The following SOX5 variants were observed in gnomAD, a reference collection of about 807,000 sequenced individuals.
SOX5 encodes transcription factor SOX-5.
In SOX5, 9 loss-of-function variants were observed where a neutral mutation model predicts 92.0. That is an observed-to-expected ratio of 0.10 (90% CI 0.06 to 0.17). SOX5 has a LOEUF of 0.17. Among genes scored for constraint, SOX5 ranks in the 10% least tolerant of loss-of-function variants. The pLI, the probability that SOX5 is intolerant of heterozygous loss-of-function variation, is 1.00. For synonymous variants in SOX5, 344 were observed against 336.3 expected, an observed-to-expected ratio of 1.02 and a Z score of -0.25; for missense variants, 642 against 944.5, an observed-to-expected ratio of 0.68 and a Z score of 4.20.
chr12:23,988,341 CA>C (rs1256180153), intron 4 of SOX5, among the ~76,000 whole-genome samples: 1 of 152,096 alleles, frequency 6.6e-6, no homozygotes, highest in Non-Finnish European at 1.5e-5. Flanking sequence ...AAGGAGATCC[CA>C]ACCTTTAGAG....
At chr12:24,375,456 C>T (rs942636041) in intron 1 of SOX5, among the ~76,000 whole-genome samples, 4 of 151,302 alleles carry the variant, frequency 2.6e-5, no homozygotes, top group Non-Finnish European at 5.9e-5. Context: ...AGAATAAGGC[C>T]GGGTGCGGTG....
At chr12:24,385,856 C>T (rs964796069) in intron 1 of SOX5, among the ~76,000 whole-genome samples, 9 of 135,102 alleles carry the variant, frequency 6.7e-5, no homozygotes, top group Admixed American at 1.7e-4. Context: ...CAATTGAGCC[C>T]GGGAGGTAGA....
intron 1 of SOX5, among the ~76,000 whole-genome samples, chr12:23,946,478 C>T (rs1944608227): frequency 1.3e-5 from 2 of 151,924 alleles, no homozygotes; most frequent in African/African-American, 2.4e-5. Context: ...GACATTTTTA[C>T]TTATCATGAA....
At chr12:23,981,254 T>C (rs1416493082) in intron 4 of SOX5, among the ~76,000 whole-genome samples, 3 of 152,186 alleles carry the variant, frequency 2.0e-5, no homozygotes, top group Non-Finnish European at 4.4e-5. Flanking sequence ...TTAGGGATTT[T>C]ATTAACACCT....
chr12:24,111,692 G>A (rs774835499), intron 4 of SOX5, among the ~76,000 whole-genome samples: 78 of 151,602 alleles, frequency 5.1e-4, no homozygotes, highest in African/African-American at 1.7e-3. Context: ...AAGATTTTTC[G>A]TCAAATTATC....
At chr12:24,548,124 A>G (rs890638972) in intron 1 of SOX5, among the ~76,000 whole-genome samples, 1 of 152,220 alleles carries the variant, frequency 6.6e-6, no homozygotes, top group Non-Finnish European at 1.5e-5. Context: ...TCTGCAGATG[A>G]GGAATCAGAC....
intron 1 of SOX5, among the ~76,000 whole-genome samples, chr12:23,918,174 T>A (rs2097437693): frequency 6.6e-6 from 1 of 152,230 alleles, no homozygotes; most frequent in Admixed American, 6.5e-5. Context: ...ATTATATGCA[T>A]GTTTTATGCC....
intron 9 of SOX5, among the ~76,000 whole-genome samples, chr12:23,588,669 C>T (rs1388552651): frequency 1.3e-5 from 2 of 151,670 alleles, no homozygotes; most frequent in African/African-American, 4.8e-5. Flanking sequence ...TGGTCCATCA[C>T]ATTGCCAGAT....
chr12:23,886,976 A>G (rs2097074881), intron 2 of SOX5, among the ~76,000 whole-genome samples: 1 of 152,198 alleles, frequency 6.6e-6, no homozygotes, highest in African/African-American at 2.4e-5. Flanking sequence ...TGAAAATAAA[A>G]CTATCATTTA....
chr12:24,058,030 C>T (rs560193820), intron 4 of SOX5, among the ~76,000 whole-genome samples: 2 of 152,364 alleles, frequency 1.3e-5, no homozygotes, highest in South Asian at 2.1e-4. Context: ...CATATTATGA[C>T]TGCCATCCTT....
At chr12:23,708,909 T>G (rs997748356) in intron 6 of SOX5, among the ~76,000 whole-genome samples, 5 of 152,038 alleles carry the variant, frequency 3.3e-5, no homozygotes, top group Non-Finnish European at 5.9e-5. Context: ...AGCGACTGAA[T>G]GTTAATACAA....
At chr12:23,705,041 A>G (rs2091214263) in intron 6 of SOX5, among the ~76,000 whole-genome samples, 1 of 151,960 alleles carries the variant, frequency 6.6e-6, no homozygotes, top group Non-Finnish European at 1.5e-5. Context: ...AACTTTTCAA[A>G]TATGAGGCAG....
chr12:23,747,674 CCAGA>C, intron 4 of SOX5, among the ~76,000 whole-genome samples: 1 of 152,190 alleles, frequency 6.6e-6, no homozygotes, highest in African/African-American at 2.4e-5. Context: ...GACATTTAGG[CCAGA>C]CAATTTTCAT....
chr12:24,195,116 G>A (rs1433184828), intron 4 of SOX5, among the ~76,000 whole-genome samples: 1 of 143,424 alleles, frequency 7.0e-6, no homozygotes, highest in Non-Finnish European at 1.5e-5. Flanking sequence ...TCTACTAGTT[G>A]CAATCTAAAA....
rs148618176 is a variant in SOX5, at chr12:23,688,245, G to A, written c.811-22681C>T. 2.2e-4 allele frequency among the ~76,000 whole-genome samples: 34 copies of A among 152,024 alleles called. No homozygotes were observed. The East Asian group carries it at 6.2e-3, about 28-fold the overall frequency. On this transcript the variant is annotated intron_variant, in intron 6 of 14. Transcript: ENST00000451604. The stretch of plus-strand genomic sequence containing the variant: ...GTGATATTTAGTCACCTCTAATACC[G>A]AGCTGCACTTGGAAAATTATTTTTT...
At chr12:23,546,585 G>A (rs1428785299) in intron 11 of SOX5, among the ~76,000 whole-genome samples, 161 bp from the exon 12 acceptor site, 2 of 152,112 alleles carry the variant, frequency 1.3e-5, no homozygotes, top group East Asian at 3.9e-4. Context: ...TCATTAAGGG[G>A]ATGATCAGCA....
intron 8 of SOX5, among the ~76,000 whole-genome samples, chr12:23,639,445 C>A (rs1248933303): frequency 6.6e-6 from 1 of 152,138 alleles, no homozygotes; most frequent in African/African-American, 2.4e-5. Flanking sequence ...ATCTCTAAAA[C>A]CCCTATTCCT....
intron 2 of SOX5, among the ~76,000 whole-genome samples, chr12:24,342,702 T>A (rs1565944606): frequency 6.6e-6 from 1 of 152,228 alleles, no homozygotes; most frequent in Non-Finnish European, 1.5e-5. Flanking sequence ...GCTTCCTAAC[T>A]GACCTCCCTG....
intron 4 of SOX5, among the ~76,000 whole-genome samples, chr12:24,025,941 A>T (rs58846517): frequency 0.016 from 2,364 of 152,200 alleles, 53 homozygotes; most frequent in African/African-American, 0.055. Flanking sequence ...TGATTACAAG[A>T]TGTGCTTTCT....
Sources: gnomAD v4.1 joint callset for allele counts (sites outside exome capture counted in the v4.1 genomes callset) on GRCh38, gnomAD v4.1.1 for gene constraint, MANE v1.5 for transcripts, NCBI Gene and HGNC (gene_info 2026-07-23, HGNC 2026-07-21) for gene names.